The following MDGA2 variants were observed in gnomAD, a reference collection of about 807,000 sequenced individuals.
The protein encoded by MDGA2 is MAM domain containing glycosylphosphatidylinositol anchor 2, also known as MAM domain-containing glycosylphosphatidylinositol anchor protein 2.
A neutral mutation model predicts 117.8 loss-of-function variants in MDGA2; 40 were observed. That is an observed-to-expected ratio of 0.34 (90% confidence interval 0.26 to 0.44). The LOEUF (loss-of-function observed/expected upper bound fraction) is 0.44, where lower values mean the gene tolerates loss of function less well. MDGA2 is among the 20% of genes least tolerant of loss of function. MDGA2 has a pLI of 1.00. For missense variants in MDGA2, 1,123 were observed against 1,250.6 expected, an observed-to-expected ratio of 0.90 and a Z score of 1.54; for synonymous variants, 452 against 439.0, an observed-to-expected ratio of 1.03 and a Z score of -0.37.
At chr14:47,425,932 G>T in intron 1 of MDGA2, among the ~76,000 whole-genome samples, 1 of 151,620 alleles carries the variant, frequency 6.6e-6, no homozygotes, top group South Asian at 2.1e-4. Flanking sequence ...GATTTCATTG[G>T]ATTTTTAATG....
intron 14 of MDGA2, 138 bp downstream of exon 14, chr14:46,873,295 C>T: frequency 1.4e-6 from 1 of 721,740 alleles, no homozygotes; most frequent in Non-Finnish European, 2.0e-6. Context: ...TCTTATTTTG[C>T]AATTTGCAGA....
intron 8 of MDGA2, among the ~76,000 whole-genome samples, chr14:46,996,263 T>C (rs1293328971): frequency 1.3e-5 from 2 of 152,346 alleles, no homozygotes; most frequent in South Asian, 2.1e-4. Context: ...TCAACATTGT[T>C]CGTATCCAAA....
intron 1 of MDGA2, among the ~76,000 whole-genome samples, chr14:47,333,960 G>A (rs1890366902): frequency 6.6e-6 from 1 of 151,784 alleles, no homozygotes; most frequent in South Asian, 2.1e-4. Flanking sequence ...ATATGGTTCA[G>A]ATATTTCCTC....
intron 1 of MDGA2, among the ~76,000 whole-genome samples, chr14:47,460,130 CATT>C (rs1893452070): frequency 6.6e-6 from 1 of 152,068 alleles, no homozygotes; most frequent in African/African-American, 2.4e-5. Flanking sequence ...CAGTCATCAT[CATT>C]ATTAAAATTG....
chr14:46,882,931 G>A (rs1321352504), intron 10 of MDGA2, among the ~76,000 whole-genome samples: 2 of 151,882 alleles, frequency 1.3e-5, no homozygotes, highest in South Asian at 2.1e-4. Context: ...TGGTGTCAGA[G>A]TAATGAAGAT....
intron 2 of MDGA2, among the ~76,000 whole-genome samples, chr14:47,241,772 T>TA (rs942171443): frequency 6.0e-5 from 9 of 150,996 alleles, no homozygotes; most frequent in Non-Finnish European, 1.0e-4. Flanking sequence ...TCCACTGAGG[T>TA]AAAAAAAAAT....
At chr14:47,575,788 C>T (rs1896105464) in intron 1 of MDGA2, among the ~76,000 whole-genome samples, 1 of 152,106 alleles carries the variant, frequency 6.6e-6, no homozygotes, top group South Asian at 2.1e-4. Context: ...ATCAACTTTA[C>T]TAAAAGACAA....
intron 1 of MDGA2, among the ~76,000 whole-genome samples, chr14:47,583,826 C>T (rs558264329): frequency 1.3e-5 from 2 of 151,806 alleles, no homozygotes; most frequent in South Asian, 2.1e-4. Flanking sequence ...GCATTTTCTC[C>T]GAAGAGCTTA....
chr14:47,079,646 A>G (rs1248022711), intron 6 of MDGA2, among the ~76,000 whole-genome samples: 1 of 151,678 alleles, frequency 6.6e-6, no homozygotes, highest in African/African-American at 2.4e-5. Context: ...TTATGTGGTA[A>G]TAAGTAGTTT....
intron 10 of MDGA2, among the ~76,000 whole-genome samples, chr14:46,915,353 C>T (rs958468497): frequency 6.6e-6 from 1 of 152,008 alleles, no homozygotes; most frequent in South Asian, 2.1e-4. Context: ...GACAAATACT[C>T]GAGGTGATGG....
At chr14:47,429,693 C>T (rs1892760634) in intron 1 of MDGA2, among the ~76,000 whole-genome samples, 1 of 151,924 alleles carries the variant, frequency 6.6e-6, no homozygotes, top group African/African-American at 2.4e-5. Flanking sequence ...TATATTTATT[C>T]ATTGTAAGAC....
At chr14:46,852,071 T>C (rs140158883) in intron 15 of MDGA2, among the ~76,000 whole-genome samples, 14 of 151,944 alleles carry the variant, frequency 9.2e-5, no homozygotes, top group African/African-American at 3.1e-4. Flanking sequence ...AGAAATATGT[T>C]GGGAAATGAA....
At chr14:47,112,613 T>G (rs1314572892) in intron 5 of MDGA2, among the ~76,000 whole-genome samples, 2 of 152,232 alleles carry the variant, frequency 1.3e-5, no homozygotes, top group Non-Finnish European at 2.9e-5. Context: ...GGTATATATG[T>G]ACCACATTTG....
chr14:47,143,962 T>C, intron 4 of MDGA2, 116 bp downstream of exon 4: 1 of 691,986 alleles, frequency 1.4e-6, no homozygotes, highest in Non-Finnish European at 2.2e-6. Flanking sequence ...CACACATTGG[T>C]TTTTGAAAGG....
At chr14:47,106,420 G>A (rs549379849) in intron 5 of MDGA2, among the ~76,000 whole-genome samples, 212 of 152,040 alleles carry the variant, frequency 1.4e-3, no homozygotes, top group Middle Eastern at 3.4e-3. Flanking sequence ...GCAGCCAGGC[G>A]TTCCTCCAGA....
intron 1 of MDGA2, among the ~76,000 whole-genome samples, chr14:47,637,058 C>T (rs1335565641): frequency 6.6e-6 from 1 of 152,024 alleles, no homozygotes; most frequent in Non-Finnish European, 1.5e-5. Flanking sequence ...ATGTTTTAAA[C>T]ATCATAATAA....
At chr14:47,219,921 T>C (rs1437837775) in intron 2 of MDGA2, among the ~76,000 whole-genome samples, 1 of 152,070 alleles carries the variant, frequency 6.6e-6, no homozygotes, top group Admixed American at 6.5e-5. Flanking sequence ...AAAAAGAGGA[T>C]AGTGAAATAT....
intron 1 of MDGA2, among the ~76,000 whole-genome samples, chr14:47,517,828 CTG>C (rs1317856869): frequency 1.3e-5 from 2 of 152,074 alleles, no homozygotes; most frequent in African/African-American, 2.4e-5. Flanking sequence ...ATTTATGAAA[CTG>C]TTTTTTCAAC....
At chr14:46,950,318 G>C (rs1335163391) in intron 9 of MDGA2, among the ~76,000 whole-genome samples, 2 of 151,834 alleles carry the variant, frequency 1.3e-5, no homozygotes, top group Non-Finnish European at 2.9e-5. Flanking sequence ...GTGTCAAAAA[G>C]AGTTTGAACT....
Sources: gnomAD v4.1 joint callset for allele counts (sites outside exome capture counted in the v4.1 genomes callset) on GRCh38, gnomAD v4.1.1 for gene constraint, MANE v1.5 for transcripts, NCBI Gene and HGNC (gene_info 2026-07-23, HGNC 2026-07-21) for gene names.